The following ANKRD11 variants were observed in gnomAD, a reference collection of about 807,000 sequenced individuals.
The protein encoded by ANKRD11 is ankyrin repeat domain 11.
Under a neutral mutation model 195.7 loss-of-function variants are expected in ANKRD11, and 17 were observed. That is an observed-to-expected ratio of 0.09 (90% CI 0.06 to 0.13). ANKRD11 has a LOEUF of 0.13. Ranked by LOEUF, ANKRD11 falls within the 10% of genes least tolerant of loss-of-function variation. The pLI is 1.00. For missense variants in ANKRD11, 3,735 were observed against 3,566.1 expected, an observed-to-expected ratio of 1.05 and a Z score of -1.21; for synonymous variants, 1,953 against 1,528.1, an observed-to-expected ratio of 1.28 and a Z score of -6.49.
intron 2 of ANKRD11, among the ~76,000 whole-genome samples, chr16:89,375,183 A>G (rs2040367069): frequency 1.3e-5 from 2 of 152,084 alleles, no homozygotes; most frequent in Admixed American, 1.3e-4. Flanking sequence ...AGCCTGTGCT[A>G]CCGCGGTGAG....
At chr16:89,391,530 T>C (rs568520110) in intron 2 of ANKRD11, among the ~76,000 whole-genome samples, 52 of 152,332 alleles carry the variant, frequency 3.4e-4, no homozygotes, top group African/African-American at 1.2e-3. Context: ...GCGTTTTCTG[T>C]GTTGACTGTC....
intron 2 of ANKRD11, among the ~76,000 whole-genome samples, chr16:89,403,187 C>T (rs1474643764): frequency 6.6e-6 from 1 of 152,224 alleles, no homozygotes; most frequent in East Asian, 1.9e-4. Flanking sequence ...GTGGACCCCG[C>T]ACTCCCTAGG....
At position 89,284,761 on chromosome 16, in the gene ANKRD11, T is replaced by C; in HGVS notation, c.1781A>G (p.Lys594Arg). 1 of 1,613,636 alleles carries C rather than the reference T, an allele frequency of 6.2e-7. No homozygotes were observed. ...SSVESLKPVR[K>R]RQEHRKRASL... is the part of the protein sequence containing the mutation. ...GGCTCGCTTCCTGTGCTCCTGCCTC[T>C]TCCTCACTGGCTTCAGCGATTCCAC... The change falls in exon 9 of 13, where the codon AAG (lysine) becomes AGG (arginine). Residue 594 changes from lysine (K) to arginine (R), a missense_variant. Lys to Arg is a conservative substitution (Grantham distance 26). Coordinates refer to ENST00000301030, the MANE Select transcript of ANKRD11 (RefSeq NM_013275.6).
Position 89,317,020 on chromosome 16 carries a change from C to A in ANKRD11, c.-1G>T. Reference sequence around the variant, plus strand: ...CTTTAGGGCACCCACCCTTGGGCATCGTCCTGCTCCTCACCCGATCTTCAT... The same window carrying A: ...CTTTAGGGCACCCACCCTTGGGCATAGTCCTGCTCCTCACCCGATCTTCAT... On this transcript the variant is annotated 5_prime_UTR_variant, in exon 3 of 13. Transcript: ENST00000301030. 2 of 1,612,956 alleles carry A rather than the reference C, an allele frequency of 1.2e-6. No homozygotes were observed. Among genetic ancestry groups the A allele is most frequent in the South Asian group, 2.2e-5 (2 of 90,732 alleles).
At chr16:89,473,501 G>A (rs2057157749) in intron 1 of ANKRD11, among the ~76,000 whole-genome samples, 1 of 152,220 alleles carries the variant, frequency 6.6e-6, no homozygotes, top group South Asian at 2.1e-4. Flanking sequence ...CAAACAGCCT[G>A]ATAGTACCAG....
chr16:89,365,229 TG>T (rs1339779830), intron 2 of ANKRD11, among the ~76,000 whole-genome samples: 2 of 152,246 alleles, frequency 1.3e-5, no homozygotes, highest in Non-Finnish European at 2.9e-5. Flanking sequence ...GTTCCAGAGC[TG>T]GTTTTTGTAG....
chr16:89,385,626 T>C (rs1198254293), intron 2 of ANKRD11, among the ~76,000 whole-genome samples: 1 of 152,200 alleles, frequency 6.6e-6, no homozygotes, highest in African/African-American at 2.4e-5. Flanking sequence ...ACACTCACGA[T>C]GATGCATTTC....
At position 89,280,964 on chromosome 16, in the gene ANKRD11, G is replaced by A. The variant is rs144516367; in HGVS notation, c.5578C>T (p.Pro1860Ser). ...YYSPDYGLPSPKVDALHCPPA... is the reference protein window; with the variant it reads ...YYSPDYGLPSSKVDALHCPPA... ...GGGCAGTGCAAAGCGTCGACTTTGGGCGACGGGAGGCCATAGTCTGGGGAG... is the reference window on the plus strand; with the variant it reads ...GGGCAGTGCAAAGCGTCGACTTTGGACGACGGGAGGCCATAGTCTGGGGAG... Residue 1860 changes from proline (P) to serine (S), a missense_variant, in exon 9 of 13, where the codon CCC (proline) becomes TCC (serine). By Grantham distance (74) the Pro-to-Ser change is moderately conservative. Coordinates refer to ENST00000301030, the MANE Select transcript of ANKRD11 (RefSeq NM_013275.6). The A allele has an allele frequency of 5.0e-4, 793 of 1,571,172 alleles. 2 individuals are homozygous for A. Among genetic ancestry groups the A allele is most frequent in the Middle Eastern group, 3.6e-3 (21 of 5,826 alleles).
At chr16:89,401,224 G>A (rs769478584) in intron 2 of ANKRD11, among the ~76,000 whole-genome samples, 3 of 152,080 alleles carry the variant, frequency 2.0e-5, no homozygotes, top group South Asian at 2.1e-4. Flanking sequence ...CTTCCAAGAC[G>A]GCCGCCACCA....
In ANKRD11 at chr16:89,279,873, C is replaced by A; in HGVS notation, c.6669G>T (p.Ala2223=). The change falls in exon 9 of 13, where the codon GCG becomes GCT. Residue 2223 remains alanine, a synonymous_variant. Transcript: ENST00000301030. This position sits in a 1 kb window ranked among gnomAD's most constrained non-coding sequence, Gnocchi z 5.6. Reference sequence around the variant, plus strand: ...GGGCCCTCTCTTCCGGCACCGTCTCCGCCTCCACCGCAGCTTCTAGAGCCA... The same window carrying A: ...GGGCCCTCTCTTCCGGCACCGTCTCAGCCTCCACCGCAGCTTCTAGAGCCA... ...LDVALEAAVE[A]ETVPEERARG... is the part of the protein sequence containing the mutation. 6.3e-7 allele frequency: 1 copy of A among 1,575,660 alleles called. No homozygotes were observed. Among genetic ancestry groups the A allele is most frequent in the South Asian group, 1.1e-5 (1 of 87,158 alleles).
At chr16:89,323,210 G>A in intron 2 of ANKRD11, 1 of 893,342 alleles carries the variant, frequency 1.1e-6, no homozygotes, top group Non-Finnish European at 1.6e-6. Flanking sequence ...AGTCTCCAAC[G>A]GACTGAGCGG....
At chr16:89,366,392 G>A (rs2039952884) in intron 2 of ANKRD11, among the ~76,000 whole-genome samples, 1 of 152,170 alleles carries the variant, frequency 6.6e-6, no homozygotes, top group South Asian at 2.1e-4. Context: ...TTAGCTCTTA[G>A]AGGAATCGCC....
chr16:89,416,210 T>C (rs983772832), intron 2 of ANKRD11, among the ~76,000 whole-genome samples: 3 of 152,202 alleles, frequency 2.0e-5, no homozygotes, highest in African/African-American at 7.2e-5. Flanking sequence ...ACTAGAGTGC[T>C]AGACATTTAG....
At chr16:89,434,934 G>C (rs1177656304) in intron 1 of ANKRD11, among the ~76,000 whole-genome samples, 1 of 152,236 alleles carries the variant, frequency 6.6e-6, no homozygotes, top group East Asian at 1.9e-4. Context: ...CGGATGGCTA[G>C]GTGAAGCAGG....
rs71134215 is a variant in ANKRD11, at chr16:89,388,293, A to ATTTTT, written c.-60+29986_-60+29990dup. ...GTGCTCTCTTCTCTCCATGAGGCTG[A>ATTTTT]TTTTTTTTTTTTTTTTTTTTTTGAG... On this transcript the variant is annotated intron_variant, in intron 2 of 12. Coordinates refer to ENST00000301030, the MANE Select transcript of ANKRD11 (RefSeq NM_013275.6). 3.2e-4 allele frequency among the ~76,000 whole-genome samples: 27 copies of ATTTTT among 85,298 alleles called. 3 individuals carry two copies. The highest frequency in any genetic ancestry group is 1.8e-3 in the South Asian group (4 of 2,240). 56.0% of individuals were successfully genotyped at this position (85,298 alleles called of 152,430 possible).
At chr16:89,269,122 A>G (rs1283562114) in intron 12 of ANKRD11, among the ~76,000 whole-genome samples, 1 of 152,198 alleles carries the variant, frequency 6.6e-6, no homozygotes, top group Non-Finnish European at 1.5e-5. Flanking sequence ...AAACTAATGG[A>G]GAAATGGAAG....
intron 2 of ANKRD11, among the ~76,000 whole-genome samples, chr16:89,411,630 T>A (rs1347516742): frequency 6.6e-6 from 1 of 152,002 alleles, no homozygotes; most frequent in Non-Finnish European, 1.5e-5. Context: ...CCCAGGCTGG[T>A]CTCGAACTCC....
At chr16:89,441,830 C>T (rs2043518880) in intron 1 of ANKRD11, among the ~76,000 whole-genome samples, 1 of 137,632 alleles carries the variant, frequency 7.3e-6, no homozygotes, top group South Asian at 2.3e-4. Flanking sequence ...ACATACCCTG[C>T]ATAACTGAAC....
intron 1 of ANKRD11, among the ~76,000 whole-genome samples, chr16:89,462,214 C>T (rs184555287): frequency 4.6e-5 from 7 of 152,310 alleles, no homozygotes; most frequent in East Asian, 3.9e-4. Context: ...CGAGTGCCTG[C>T]GATTGCAGGC....
Sources: allele counts gnomAD v4.1 joint callset (sites outside exome capture counted in the v4.1 genomes callset), GRCh38; gene constraint gnomAD v4.1.1; non-coding constraint Gnocchi (gnomAD v3.1); transcripts MANE v1.5; gene names NCBI Gene and HGNC (gene_info 2026-07-23, HGNC 2026-07-21).